The following SLC24A2 variants were observed in gnomAD, a reference collection of about 807,000 sequenced individuals.
The protein encoded by SLC24A2 is sodium/potassium/calcium exchanger 2.
SLC24A2 carries 36 observed loss-of-function variants against 62.0 expected under a neutral mutation model. The observed-to-expected ratio is 0.58, with a 90% CI of 0.44 to 0.77. The LOEUF (loss-of-function observed/expected upper bound fraction) is 0.77, where lower values mean the gene tolerates loss of function less well. Ranked by LOEUF, SLC24A2 falls within the 30% of genes least tolerant of loss-of-function variation. The probability of loss-of-function intolerance (pLI) is 0.00; values close to 1 mark genes in which losing one functional copy is unlikely to be tolerated. For missense variants in SLC24A2, 846 were observed against 817.9 expected (o/e 1.03, Z -0.42); for synonymous variants, 358 against 294.0 (o/e 1.22, Z -2.23).
chr9:19,558,386 A>G (rs73648716), intron 7 of SLC24A2, among the ~76,000 whole-genome samples: 8,672 of 152,238 alleles, frequency 0.057, 804 homozygotes, highest in African/African-American at 0.2. Context: ...GTCTTTTAGC[A>G]TCTCTACCCA....
rs902129051 is a variant in SLC24A2 at position 19,513,510 on chromosome 9, C to T, written c.*2643G>A. The T allele has an allele frequency of 3.3e-5, 5 of 152,052 alleles. No homozygotes were observed. The highest frequency in any genetic ancestry group is 7.3e-5 in the Non-Finnish European group (5 of 68,062). The allele number at this position is 152,052 out of a possible 1,614,324, so 9.4% of individuals were successfully genotyped here. A position where few individuals can be genotyped will look rare whatever the true frequency, so the allele number is the denominator to read the frequency against. ...GAACGGGGCTTGGAAATTTTGTCTT[C>T]TCAAATGCAACTTCACATGAAAGAC... On this transcript the variant is annotated 3_prime_UTR_variant, in exon 11 of 11. Coordinates refer to ENST00000341998, the MANE Select transcript of SLC24A2 (RefSeq NM_020344.4).
At chr9:20,202,419 T>A in the SLC24A2 span, among the ~76,000 whole-genome samples, 6 of 152,274 alleles carry the variant, frequency 3.9e-5, no homozygotes, top group Admixed American at 3.3e-4. Flanking sequence ...CCTAACTTGG[T>A]GCCATTTTCG....
intron 2 of SLC24A2, among the ~76,000 whole-genome samples, chr9:19,751,179 A>G (rs1338850206): frequency 6.6e-6 from 1 of 152,174 alleles, no homozygotes; most frequent in Non-Finnish European, 1.5e-5. Flanking sequence ...TTATAGCAGT[A>G]AAAGTTATTG....
At chr9:19,694,449 C>G (rs191325599) in intron 2 of SLC24A2, among the ~76,000 whole-genome samples, 1 of 152,040 alleles carries the variant, frequency 6.6e-6, no homozygotes, top group Non-Finnish European at 1.5e-5. Flanking sequence ...AAAATTCTAT[C>G]GAGGACTTAT....
chr9:19,735,933 A>C (rs1224626207), intron 2 of SLC24A2, among the ~76,000 whole-genome samples: 3 of 152,144 alleles, frequency 2.0e-5, no homozygotes, highest in Non-Finnish European at 4.4e-5. Flanking sequence ...GTGCAGCACA[A>C]CAACATGGCA....
intron 8 of SLC24A2, among the ~76,000 whole-genome samples, chr9:19,538,851 G>GTAAAC (rs1834104903): frequency 8.8e-6 from 1 of 113,062 alleles, no homozygotes; most frequent in Non-Finnish European, 1.8e-5. Context: ...TTTTTGGTTG[G>GTAAAC]TAAACTATTG....
chr9:20,238,239 A>G, the SLC24A2 span, among the ~76,000 whole-genome samples: 1 of 152,208 alleles, frequency 6.6e-6, no homozygotes, highest in African/African-American at 2.4e-5. Flanking sequence ...AAGAGGCTGA[A>G]GTATTTTTCA....
intron 2 of SLC24A2, among the ~76,000 whole-genome samples, chr9:19,701,118 T>C (rs2118526737): frequency 6.6e-6 from 1 of 152,332 alleles, no homozygotes. Flanking sequence ...TTGAAGATTT[T>C]TGAGAAAGAG....
chr9:20,268,717 T>C, the SLC24A2 span, among the ~76,000 whole-genome samples: 2 of 152,216 alleles, frequency 1.3e-5, no homozygotes, highest in Non-Finnish European at 2.9e-5. Flanking sequence ...GACTAAGACA[T>C]CTACTTCTTC....
chr9:19,758,642 G>A (rs1418577199), intron 2 of SLC24A2, among the ~76,000 whole-genome samples: 1 of 152,196 alleles, frequency 6.6e-6, no homozygotes, highest in Non-Finnish European at 1.5e-5. Flanking sequence ...AACCATAGGA[G>A]TAGTGTATAT....
At chr9:20,033,773 T>C in the SLC24A2 span, among the ~76,000 whole-genome samples, 3 of 152,330 alleles carry the variant, frequency 2.0e-5, no homozygotes, top group South Asian at 4.1e-4. Flanking sequence ...TCCCTGCCCC[T>C]TTCCTAGAAA....
At chr9:20,280,193 A>G in the SLC24A2 span, among the ~76,000 whole-genome samples, 1 of 152,230 alleles carries the variant, frequency 6.6e-6, no homozygotes, top group Non-Finnish European at 1.5e-5. Flanking sequence ...GCTCCGAAGA[A>G]AGTTAAACGA....
chr9:19,949,249 C>T, the SLC24A2 span, among the ~76,000 whole-genome samples: 1 of 152,152 alleles, frequency 6.6e-6, no homozygotes, highest in Non-Finnish European at 1.5e-5. Flanking sequence ...ACGCCTCGGC[C>T]TCCCAAAGTG....
At chr9:20,137,671 G>T in the SLC24A2 span, among the ~76,000 whole-genome samples, 1 of 152,024 alleles carries the variant, frequency 6.6e-6, no homozygotes, top group East Asian at 1.9e-4. Flanking sequence ...TTTACCTTGG[G>T]TATCTTTACT....
chr9:20,172,105 C>T, the SLC24A2 span, among the ~76,000 whole-genome samples: 14 of 152,006 alleles, frequency 9.2e-5, no homozygotes, highest in South Asian at 2.1e-4. Flanking sequence ...TAATCTGCTC[C>T]GGAATGATCA....
the SLC24A2 span, among the ~76,000 whole-genome samples, chr9:20,079,061 A>G: frequency 7.0e-6 from 1 of 143,280 alleles, no homozygotes; most frequent in Non-Finnish European, 1.6e-5. Flanking sequence ...GAACCTTGAG[A>G]TAAGATCATC....
the SLC24A2 span, among the ~76,000 whole-genome samples, chr9:19,994,690 A>T: frequency 6.6e-6 from 1 of 152,172 alleles, no homozygotes; most frequent in Non-Finnish European, 1.5e-5. Context: ...GCCTCTGCAT[A>T]TGTGAGGATC....
the SLC24A2 span, among the ~76,000 whole-genome samples, chr9:20,077,445 G>A: frequency 6.6e-6 from 1 of 152,012 alleles, no homozygotes; most frequent in Non-Finnish European, 1.5e-5. Flanking sequence ...TAAAAAAAAT[G>A]TTTTAAAACA....
chr9:20,141,357 C>T, the SLC24A2 span, among the ~76,000 whole-genome samples: 1 of 152,100 alleles, frequency 6.6e-6, no homozygotes, highest in South Asian at 2.1e-4. Flanking sequence ...GCCCCCCTTA[C>T]TCCAAGACCA....
Sources: allele counts gnomAD v4.1 joint callset (sites outside exome capture counted in the v4.1 genomes callset), GRCh38; gene constraint gnomAD v4.1.1; transcripts MANE v1.5; gene names NCBI Gene and HGNC (gene_info 2026-07-23, HGNC 2026-07-21).